Variants in UNC5C observed in about 807,000 individuals in gnomAD.
UNC5C encodes the protein netrin receptor UNC5C.
A neutral mutation model predicts 99.8 loss-of-function variants in UNC5C; 47 were observed. That is an observed-to-expected ratio of 0.47 (90% CI 0.37 to 0.60). The LOEUF (loss-of-function observed/expected upper bound fraction) is 0.60. Ranked by LOEUF, UNC5C falls within the 20% of genes least tolerant of loss-of-function variation. The pLI is 0.00. For missense variants in UNC5C, 1,062 were observed against 1,165.9 expected (o/e 0.91, Z 1.30); for synonymous variants, 487 against 452.2 (o/e 1.08, Z -0.98).
chr4:95,441,417 G>T (rs542757407), intron 1 of UNC5C, among the ~76,000 whole-genome samples: 2 of 152,162 alleles, frequency 1.3e-5, no homozygotes, highest in Non-Finnish European at 2.9e-5. Context: ...ATTATTTAAT[G>T]AATAACGAAG....
chr4:95,193,613 C>CTCA (rs1199417939), intron 12 of UNC5C, among the ~76,000 whole-genome samples: 1 of 152,148 alleles, frequency 6.6e-6, no homozygotes, highest in Non-Finnish European at 1.5e-5. Flanking sequence ...CGAAAACCTG[C>CTCA]CCTTGTCATT....
intron 13 of UNC5C, 106 bp from the exon 14 acceptor site, chr4:95,183,167 T>A: frequency 2.6e-6 from 3 of 1,137,962 alleles, no homozygotes; most frequent in Non-Finnish European, 3.8e-6. Flanking sequence ...TGGCCTCATT[T>A]AATCCTCACA....
intron 5 of UNC5C, among the ~76,000 whole-genome samples, chr4:95,246,998 G>A (rs572193463): frequency 4.0e-4 from 60 of 151,556 alleles, no homozygotes; most frequent in Admixed American, 7.2e-4. Flanking sequence ...CCAAGATTGC[G>A]CCACTGCACC....
intron 6 of UNC5C, among the ~76,000 whole-genome samples, chr4:95,243,330 C>T (rs1739392464): frequency 6.6e-6 from 1 of 152,066 alleles, no homozygotes; most frequent in African/African-American, 2.4e-5. Flanking sequence ...GCTGGCTTGT[C>T]AGCAACTTCA....
rs139028332 is a variant in UNC5C at position 95,202,637 on chromosome 4, A to G, written c.2136+94T>C. ...AACACGTGTCCACACACTTGGGTGC[A>G]CACACACAGCCACATCTCCAAGTGT... is the stretch of plus-strand genomic sequence containing the variant. On this transcript the variant is annotated intron_variant, in intron 12 of 15. Coordinates refer to ENST00000453304, the MANE Select transcript of UNC5C (RefSeq NM_003728.4). 320 of 1,242,942 alleles carry G rather than the reference A, an allele frequency of 2.6e-4. 1 individual carries two copies. In the African/African-American group the frequency reaches 4.4e-3, roughly 17 times the overall value. 77.0% of individuals were successfully genotyped at this position (1,242,942 alleles called of 1,614,324 possible). A position where few individuals can be genotyped will look rare whatever the true frequency, so the allele number is the denominator to read the frequency against.
chr4:95,205,610 T>C (rs1448796260), intron 11 of UNC5C, among the ~76,000 whole-genome samples: 2 of 152,190 alleles, frequency 1.3e-5, no homozygotes, highest in Admixed American at 1.3e-4. Flanking sequence ...TCACAAAGCA[T>C]ATAATATATA....
At chr4:95,463,462 T>C (rs932761166) in intron 1 of UNC5C, among the ~76,000 whole-genome samples, 4 of 151,932 alleles carry the variant, frequency 2.6e-5, no homozygotes, top group African/African-American at 9.7e-5. Flanking sequence ...GTCCAAACCA[T>C]GAGGCAGAAA....
intron 12 of UNC5C, among the ~76,000 whole-genome samples, chr4:95,198,986 C>T (rs968083450): frequency 6.6e-6 from 1 of 152,050 alleles, no homozygotes; most frequent in Non-Finnish European, 1.5e-5. Context: ...ATACCTAGAC[C>T]AATTAGATCA....
At position 95,219,017 on chromosome 4, in the gene UNC5C, A is replaced by G. The variant is rs1303477323; in HGVS notation, c.1597T>C (p.Phe533Leu). The change falls in exon 9 of 16, where the codon TTT (phenylalanine) becomes CTT (leucine). Residue 533 changes from phenylalanine (F) to leucine (L), a missense_variant. By Grantham distance (22) the Phe-to-Leu change is conservative. Around this residue, in one of 3 missense-constraint regions of UNC5C, gnomAD observed 810 missense variants for 854.5 expected, o/e 0.95. Transcript: ENST00000453304. ...ARQTDPSCTA[F>L]GSFNSLGGHL... is the part of the protein sequence containing the mutation. ...CCTCCCAGCGAGTTGAAGCTGCCAAATGCGGTACAGGATGGATCAGTCTGC... is the reference window on the plus strand; with the variant it reads ...CCTCCCAGCGAGTTGAAGCTGCCAAGTGCGGTACAGGATGGATCAGTCTGC... 2 of 1,613,734 alleles carry G rather than the reference A, an allele frequency of 1.2e-6. No homozygotes were observed. Among genetic ancestry groups the G allele is most frequent in the Non-Finnish European group, 8.5e-7 (1 of 1,179,816 alleles).
intron 1 of UNC5C, among the ~76,000 whole-genome samples, chr4:95,447,438 C>G (rs1230254864): frequency 6.6e-6 from 1 of 152,184 alleles, no homozygotes; most frequent in East Asian, 1.9e-4. Context: ...CCCAGTGTCA[C>G]ATAGCTAGTT....
At chr4:95,482,613 T>A (rs1336432227) in intron 1 of UNC5C, among the ~76,000 whole-genome samples, 1 of 147,666 alleles carries the variant, frequency 6.8e-6, no homozygotes, top group African/African-American at 2.5e-5. Flanking sequence ...CCAACCCAAA[T>A]GTCCAACAAT....
rs868243397 is a variant in UNC5C at position 95,278,287 on chromosome 4, C to T, written c.566G>A (p.Arg189Gln). The T allele has an allele frequency of 4.3e-6, 7 of 1,614,014 alleles. No individual in the cohort carries two copies. Among genetic ancestry groups the T allele is most frequent in the South Asian group, 2.2e-5 (2 of 91,064 alleles). The change falls in exon 4 of 16, where the codon CGA becomes CAA. Residue 189 changes from arginine (R) to glutamine (Q), a missense_variant. Coordinates refer to ENST00000453304, the MANE Select transcript of UNC5C (RefSeq NM_003728.4). ...AGCCACTGGGATCCCTTCAGGTGGT[C>T]GACACTGGAGTAAGACTTCCTGTTC... is the stretch of plus-strand genomic sequence containing the variant. ...SLEQEVLLQC[R>Q]PPEGIPVAEV...
At chr4:95,203,164 A>C (rs547275105) in intron 11 of UNC5C, among the ~76,000 whole-genome samples, 200 bp from the exon 12 acceptor site, 28 of 152,064 alleles carry the variant, frequency 1.8e-4, no homozygotes, top group Non-Finnish European at 2.9e-4. Flanking sequence ...ATTTATTTAG[A>C]TGTCTTTCAG....
chr4:95,486,304 T>C (rs1458143073), intron 1 of UNC5C, among the ~76,000 whole-genome samples: 2 of 151,818 alleles, frequency 1.3e-5, no homozygotes, highest in African/African-American at 4.8e-5. Flanking sequence ...TTAGATTATA[T>C]GTATGCATCA....
chr4:95,256,098 T>C (rs1412450046), intron 4 of UNC5C, among the ~76,000 whole-genome samples: 3 of 152,138 alleles, frequency 2.0e-5, no homozygotes, highest in African/African-American at 7.2e-5. Flanking sequence ...CATTGCTTCA[T>C]GCCTCACAGC....
chr4:95,242,374 A>C, intron 7 of UNC5C, 55 bp downstream of exon 7: 1 of 1,599,768 alleles, frequency 6.3e-7, no homozygotes, highest in Non-Finnish European at 8.5e-7. Context: ...AAAAAACTCC[A>C]AATGGTTCAA....
At chr4:95,180,198 A>G (rs929292135) in intron 14 of UNC5C, among the ~76,000 whole-genome samples, 3 of 152,218 alleles carry the variant, frequency 2.0e-5, no homozygotes, top group Admixed American at 6.5e-5. Flanking sequence ...TTCTATACCA[A>G]TTTACAATGG....
intron 1 of UNC5C, among the ~76,000 whole-genome samples, chr4:95,478,655 ATTATTT>A (rs1160410480): frequency 6.6e-6 from 1 of 151,956 alleles, no homozygotes; most frequent in Non-Finnish European, 1.5e-5. Flanking sequence ...TCTGCATTTT[ATTATTT>A]TGTTTTTTAA....
chr4:95,304,870 T>C (rs1206176728), intron 2 of UNC5C, among the ~76,000 whole-genome samples: 4 of 152,204 alleles, frequency 2.6e-5, no homozygotes, highest in Non-Finnish European at 5.9e-5. Context: ...CACTTTTACT[T>C]AAAGCAATTA....
Sources: allele counts gnomAD v4.1 joint callset (sites outside exome capture counted in the v4.1 genomes callset), GRCh38; gene constraint gnomAD v4.1.1; regional missense constraint gnomAD v4.1.1; transcripts MANE v1.5; gene names NCBI Gene and HGNC (gene_info 2026-07-23, HGNC 2026-07-21).